The following LNP1 variants were observed in gnomAD, a reference collection of about 807,000 sequenced individuals.
LNP1 encodes the protein leukemia NUP98 fusion partner 1.
A neutral mutation model predicts 14.5 loss-of-function variants in LNP1; 12 were observed. The ratio of observed to expected loss-of-function variants is 0.83; its 90% CI spans 0.53 to 1.34. LNP1 has a LOEUF of 1.34. Among genes scored for constraint, LNP1 ranks in the 40% most tolerant of loss-of-function variants. The pLI is 0.00. For missense variants in LNP1, 198 were observed against 210.9 expected (o/e 0.94, Z 0.38); for synonymous variants, 75 against 71.4 (o/e 1.05, Z -0.26).
At chr3:100,429,665 T>C in intron 1 of LNP1, 32 bp from the exon 2 acceptor site, 1 of 1,436,842 alleles carries the variant, frequency 7.0e-7, no homozygotes, top group African/African-American at 1.4e-5. Flanking sequence ...TTGTCAGCCC[T>C]GTTGGGTGAT....
chr3:100,434,285 GC>G (rs1013280863), intron 2 of LNP1, among the ~76,000 whole-genome samples: 5 of 152,134 alleles, frequency 3.3e-5, no homozygotes, highest in Admixed American at 3.3e-4. Flanking sequence ...TCTGCATATG[GC>G]TGGCCAATTT....
chr3:100,421,134 G>T (rs1431208408), intron 1 of LNP1, among the ~76,000 whole-genome samples: 1 of 152,090 alleles, frequency 6.6e-6, no homozygotes, highest in African/African-American at 2.4e-5. Flanking sequence ...ATGAGTCACT[G>T]CACCGGGCTG....
At chr3:100,449,700 AAC>A (rs1454496827) in intron 2 of LNP1, among the ~76,000 whole-genome samples, 8 of 152,146 alleles carry the variant, frequency 5.3e-5, no homozygotes, top group African/African-American at 1.9e-4. Flanking sequence ...TTTAAATACA[AAC>A]ACACACACAT....
chr3:100,424,187 CTTG>C (rs1301544645), intron 1 of LNP1, among the ~76,000 whole-genome samples: 1 of 152,046 alleles, frequency 6.6e-6, no homozygotes, highest in Non-Finnish European at 1.5e-5. Flanking sequence ...ATATTTACAT[CTTG>C]TTGTTTTGGG....
chr3:100,407,905 G>A (rs1706986628), intron 1 of LNP1, among the ~76,000 whole-genome samples: 1 of 151,708 alleles, frequency 6.6e-6, no homozygotes, highest in Non-Finnish European at 1.5e-5. Flanking sequence ...TACATTCATT[G>A]TATTTTTCAG....
chr3:100,418,661 G>A (rs906355061), intron 1 of LNP1, among the ~76,000 whole-genome samples: 2 of 152,160 alleles, frequency 1.3e-5, no homozygotes, highest in Non-Finnish European at 2.9e-5. Flanking sequence ...TTTCTAAGAT[G>A]TGCTGGCTGT....
intron 1 of LNP1, among the ~76,000 whole-genome samples, chr3:100,418,578 G>A (rs1436742019): frequency 6.6e-6 from 1 of 152,124 alleles, no homozygotes; most frequent in Non-Finnish European, 1.5e-5. Context: ...TAGGGTGCAG[G>A]AAAGTTTTTG....
At chr3:100,403,522 T>G (rs898071331) in intron 1 of LNP1, among the ~76,000 whole-genome samples, 9 of 151,720 alleles carry the variant, frequency 5.9e-5, no homozygotes, top group Non-Finnish European at 1.2e-4. Context: ...TGGAGTGCAA[T>G]GGCGCCATCT....
chr3:100,430,246 G>A lies in LNP1; in HGVS notation c.156+361G>A, dbSNP rs529586213. Among the ~76,000 whole-genome samples the A allele has an allele frequency of 6.6e-5, 10 of 152,260 alleles. No individual in the cohort carries two copies. In the East Asian group the frequency reaches 9.6e-4, roughly 15 times the overall value. The stretch of plus-strand genomic sequence containing the variant: ...CCTTGTGGCTCAATGTGTGATTTCC[G>A]TTTGAAATACTGAAAATTGTTCCAC... On this transcript the variant is annotated intron_variant, in intron 2 of 3. Coordinates refer to ENST00000383693, the MANE Select transcript of LNP1 (RefSeq NM_001085451.2).
intron 1 of LNP1, among the ~76,000 whole-genome samples, chr3:100,418,301 A>T (rs1707108264): frequency 6.6e-6 from 1 of 150,940 alleles, no homozygotes; most frequent in East Asian, 1.9e-4. Flanking sequence ...CAAGTGATCC[A>T]ACTGCCTCGG....
chr3:100,425,291 A>G (rs1489301545), intron 1 of LNP1, among the ~76,000 whole-genome samples: 2 of 152,200 alleles, frequency 1.3e-5, no homozygotes, highest in East Asian at 3.8e-4. Context: ...AATTCAGCTA[A>G]GTTCTTTGTT....
chr3:100,425,687 T>C (rs1460999916), intron 1 of LNP1, among the ~76,000 whole-genome samples: 4 of 152,168 alleles, frequency 2.6e-5, no homozygotes, highest in Non-Finnish European at 4.4e-5. Context: ...GGGTTGGGTG[T>C]AAGAGGGACA....
chr3:100,409,961 ATC>A (rs1262665009), intron 1 of LNP1, among the ~76,000 whole-genome samples: 115 of 118,928 alleles, frequency 9.7e-4, no homozygotes, highest in African/African-American at 3.1e-3. Context: ...GCTTACATCT[ATC>A]TATCTATCTA....
intron 2 of LNP1, among the ~76,000 whole-genome samples, chr3:100,447,512 T>C (rs1321502349): frequency 2.0e-5 from 3 of 151,996 alleles, no homozygotes; most frequent in Non-Finnish European, 4.4e-5. Flanking sequence ...GGTGAGTTGA[T>C]GGGTGCAGCA....
chr3:100,441,225 G>C (rs1344869967), intron 2 of LNP1, among the ~76,000 whole-genome samples: 2 of 152,196 alleles, frequency 1.3e-5, no homozygotes, highest in Non-Finnish European at 2.9e-5. Flanking sequence ...TTTTCAAAAG[G>C]CTCCTGTGGA....
intron 3 of LNP1, among the ~76,000 whole-genome samples, chr3:100,454,463 C>A (rs191056641): frequency 6.6e-6 from 1 of 152,030 alleles, no homozygotes; most frequent in South Asian, 2.1e-4. Context: ...TGATTTATAT[C>A]GTCTTTTGTT....
chr3:100,442,605 C>G (rs986243994), intron 2 of LNP1, among the ~76,000 whole-genome samples: 1 of 152,120 alleles, frequency 6.6e-6, no homozygotes, highest in Non-Finnish European at 1.5e-5. Context: ...TTCTGATTAG[C>G]CTTTCCAAAG....
At chr3:100,435,285 G>A (rs373719129) in intron 2 of LNP1, among the ~76,000 whole-genome samples, 25 of 152,258 alleles carry the variant, frequency 1.6e-4, no homozygotes, top group African/African-American at 6.0e-4. Context: ...GAGAGGAGTG[G>A]TCAGGAGCAA....
chr3:100,410,962 A>C (rs1272664070), intron 1 of LNP1, among the ~76,000 whole-genome samples: 1 of 152,060 alleles, frequency 6.6e-6, no homozygotes, highest in African/African-American at 2.4e-5. Context: ...CTTGCCTACT[A>C]TATCAGGGTC....
Sources: allele counts gnomAD v4.1 joint callset (sites outside exome capture counted in the v4.1 genomes callset), GRCh38; gene constraint gnomAD v4.1.1; transcripts MANE v1.5; gene names NCBI Gene and HGNC (gene_info 2026-07-23, HGNC 2026-07-21).